ITPR2: variants seen among roughly 807,000 people sequenced by gnomAD.
The protein encoded by ITPR2 is inositol 1,4,5-trisphosphate-gated calcium channel ITPR2.
A neutral mutation model predicts 317.1 loss-of-function variants in ITPR2; 207 were observed. The observed-to-expected ratio is 0.65, with a 90% CI of 0.58 to 0.73. The LOEUF is 0.73. Ranked by LOEUF, ITPR2 falls within the 30% of genes least tolerant of loss-of-function variation. ITPR2 has a pLI of 0.00. For missense variants in ITPR2, 2,613 were observed against 3,284.0 expected (o/e 0.80, Z 4.99); for synonymous variants, 1,156 against 1,149.1 (o/e 1.01, Z -0.12).
chr12:26,525,848 C>T (rs1273657428), intron 37 of ITPR2, among the ~76,000 whole-genome samples: 1 of 152,202 alleles, frequency 6.6e-6, no homozygotes, highest in East Asian at 1.9e-4. Flanking sequence ...CTGTTTCCTT[C>T]TTTGAACACA....
intron 5 of ITPR2, among the ~76,000 whole-genome samples, chr12:26,719,607 CT>C (rs944403393): frequency 8.5e-5 from 13 of 152,186 alleles, no homozygotes; most frequent in African/African-American, 2.9e-4. Context: ...AAATTCAACA[CT>C]TTTTTTTATT....
chr12:26,537,251 G>A (rs564679707), intron 37 of ITPR2, among the ~76,000 whole-genome samples: 1 of 152,204 alleles, frequency 6.6e-6, no homozygotes, highest in South Asian at 2.1e-4. Flanking sequence ...TTTATTTCAA[G>A]AGAGTGGGCA....
At chr12:26,413,960 G>A (rs147951291) in intron 51 of ITPR2, among the ~76,000 whole-genome samples, 1 of 151,630 alleles carries the variant, frequency 6.6e-6, no homozygotes. Context: ...GACTCAATCT[G>A]TACTGAGTTA....
chr12:26,512,934 G>T (rs1243288463), intron 37 of ITPR2, among the ~76,000 whole-genome samples: 1 of 119,080 alleles, frequency 8.4e-6, no homozygotes, highest in Non-Finnish European at 2.1e-5. Context: ...GCAATTCTCT[G>T]CCTCAGCCTC....
chr12:26,770,775 T>C (rs1176112485), intron 2 of ITPR2, among the ~76,000 whole-genome samples: 2 of 152,208 alleles, frequency 1.3e-5, no homozygotes, highest in African/African-American at 4.8e-5. Context: ...GTCAAGTTTA[T>C]TAGTTTCCTG....
intron 13 of ITPR2, among the ~76,000 whole-genome samples, chr12:26,681,371 G>C (rs1948026627): frequency 6.6e-6 from 1 of 152,104 alleles, no homozygotes; most frequent in Non-Finnish European, 1.5e-5. Context: ...CAAAACCAGA[G>C]CTGAAGAATC....
chr12:26,505,726 A>C (rs1021987158), intron 37 of ITPR2, among the ~76,000 whole-genome samples: 1 of 152,070 alleles, frequency 6.6e-6, no homozygotes, highest in African/African-American at 2.4e-5. Context: ...CATTGATTCC[A>C]ACACCTAGCC....
chr12:26,431,191 A>G (rs2136709197), intron 48 of ITPR2, among the ~76,000 whole-genome samples: 1 of 152,340 alleles, frequency 6.6e-6, no homozygotes, highest in East Asian at 1.9e-4. Context: ...TCTTTAACAC[A>G]AAGCACTTGA....
chr12:26,819,257 CAAT>C (rs1386175372), intron 1 of ITPR2, among the ~76,000 whole-genome samples: 1 of 152,106 alleles, frequency 6.6e-6, no homozygotes, highest in East Asian at 1.9e-4. Flanking sequence ...TAGCATAAGT[CAAT>C]AATAACACTG....
chr12:26,376,539 CTGTT>C (rs144055037), intron 55 of ITPR2, among the ~76,000 whole-genome samples: 2,114 of 152,138 alleles, frequency 0.014, 46 homozygotes, highest in African/African-American at 0.048. Context: ...ATCTTTCTGC[CTGTT>C]TATTTTTTTT....
At chr12:26,418,891 G>T (rs1940803943) in intron 50 of ITPR2, among the ~76,000 whole-genome samples, 158 bp downstream of exon 50, 1 of 151,972 alleles carries the variant, frequency 6.6e-6, no homozygotes, top group African/African-American at 2.4e-5. Context: ...GATTACAAAT[G>T]ATAATAATTC....
At chr12:26,384,613 G>A (rs1369848616) in intron 55 of ITPR2, among the ~76,000 whole-genome samples, 2 of 152,166 alleles carry the variant, frequency 1.3e-5, no homozygotes, top group African/African-American at 4.8e-5. Context: ...TGCTTTTAAT[G>A]TTAAGGCCAG....
At chr12:26,803,741 C>T (rs1950598201) in intron 1 of ITPR2, among the ~76,000 whole-genome samples, 1 of 152,108 alleles carries the variant, frequency 6.6e-6, no homozygotes, top group Non-Finnish European at 1.5e-5. Context: ...CTTTATGCCT[C>T]CTTCTTCAAA....
intron 1 of ITPR2, among the ~76,000 whole-genome samples, chr12:26,795,481 C>T (rs1470779591): frequency 1.3e-5 from 2 of 151,948 alleles, no homozygotes; most frequent in African/African-American, 2.4e-5. Flanking sequence ...AAGGACAAAA[C>T]GTAAAAGACC....
intron 55 of ITPR2, among the ~76,000 whole-genome samples, chr12:26,361,265 G>A (rs1938820452): frequency 6.6e-6 from 1 of 151,750 alleles, no homozygotes; most frequent in African/African-American, 2.4e-5. Flanking sequence ...TGGAAGTTGG[G>A]TTTTGAATTA....
At chr12:26,641,094 A>G (rs1734813930) in intron 21 of ITPR2, among the ~76,000 whole-genome samples, 1 of 152,220 alleles carries the variant, frequency 6.6e-6, no homozygotes, top group African/African-American at 2.4e-5. Flanking sequence ...ACAGAGTCAG[A>G]GAGAACAATC....
At chr12:26,766,986 C>G (rs1346954715) in intron 2 of ITPR2, among the ~76,000 whole-genome samples, 1 of 152,138 alleles carries the variant, frequency 6.6e-6, no homozygotes, top group Non-Finnish European at 1.5e-5. Context: ...ATCATACATA[C>G]TTTTAATTAT....
chr12:26,745,141 GAAC>G (rs1269103990), intron 2 of ITPR2, among the ~76,000 whole-genome samples: 1 of 152,180 alleles, frequency 6.6e-6, no homozygotes, highest in Non-Finnish European at 1.5e-5. Flanking sequence ...CAGGAATGAC[GAAC>G]AACAGACCTC....
Position 26,631,926 on chromosome 12 carries a change from G to A in ITPR2, c.2874C>T (p.Pro958=), listed in dbSNP as rs142905808. ...PSIHPSKQGS[P]TEHEDVTVMD... ...TCACAGTCACATCCTCGTGCTCGGT[G>A]GGGCTCCCTTGCTTGCTCGGGTGGA... The change falls in exon 22 of 57, where the codon CCC becomes CCT. Residue 958 remains proline, a synonymous_variant. Transcript: ENST00000381340. 6.2e-7 allele frequency: 1 copy of A among 1,613,922 alleles called. No homozygotes were observed. The highest frequency in any genetic ancestry group is 8.5e-7 in the Non-Finnish European group (1 of 1,179,922).
Sources: allele counts gnomAD v4.1 joint callset (sites outside exome capture counted in the v4.1 genomes callset), GRCh38; gene constraint gnomAD v4.1.1; transcripts MANE v1.5; gene names NCBI Gene and HGNC (gene_info 2026-07-23, HGNC 2026-07-21).